Variants in PPP2R3A observed in about 807,000 individuals in gnomAD.
PPP2R3A encodes serine/threonine-protein phosphatase 2A regulatory subunit B'' subunit alpha.
Under a neutral mutation model 106.9 loss-of-function variants are expected in PPP2R3A, and 80 were observed. That is an observed-to-expected ratio of 0.75 (90% CI 0.62 to 0.90). The LOEUF (loss-of-function observed/expected upper bound fraction) is 0.90. Ranked by LOEUF, PPP2R3A falls within the 40% of genes least tolerant of loss-of-function variation. The probability of loss-of-function intolerance (pLI) is 0.00; values close to 1 mark genes in which losing one functional copy is unlikely to be tolerated. For missense variants in PPP2R3A, 1,386 were observed against 1,350.4 expected (o/e 1.03, Z -0.41); for synonymous variants, 483 against 468.3 (o/e 1.03, Z -0.41).
chr3:136,134,362 A>T (rs1165744688), intron 13 of PPP2R3A, among the ~76,000 whole-genome samples: 4 of 152,188 alleles, frequency 2.6e-5, no homozygotes, highest in African/African-American at 9.7e-5. Flanking sequence ...TATCTATTGT[A>T]AATAATCAGA....
chr3:136,070,632 A>G (rs904864006), intron 6 of PPP2R3A, 80 bp downstream of exon 6: 1 of 1,203,444 alleles, frequency 8.3e-7, no homozygotes, highest in African/African-American at 1.6e-5. Flanking sequence ...AATTTCAAGT[A>G]TCTATGCAAA....
intron 5 of PPP2R3A, 66 bp from the exon 6 acceptor site, chr3:136,070,412 G>T: frequency 1.5e-6 from 2 of 1,357,466 alleles, no homozygotes; most frequent in South Asian, 1.4e-5. Flanking sequence ...ATACAGGAAG[G>T]AAAAACTTCC....
At chr3:136,055,556 A>C (rs542787166) in intron 5 of PPP2R3A, 4 of 1,376,302 alleles carry the variant, frequency 2.9e-6, no homozygotes, top group South Asian at 1.2e-5. Flanking sequence ...ATGCTGCTCA[A>C]ATCTTCACAG....
At chr3:136,028,394 C>T (rs1934742243) in intron 3 of PPP2R3A, among the ~76,000 whole-genome samples, 1 of 152,190 alleles carries the variant, frequency 6.6e-6, no homozygotes, top group Non-Finnish European at 1.5e-5. Flanking sequence ...ACCCTAGATG[C>T]TTCTAATGAA....
chr3:136,108,699 G>GTTT (rs142889271), intron 13 of PPP2R3A, among the ~76,000 whole-genome samples: 12 of 148,850 alleles, frequency 8.1e-5, no homozygotes, highest in African/African-American at 2.9e-4. Flanking sequence ...TTATCATTGG[G>GTTT]TTTTTTTTTT....
chr3:136,015,600 A>C (rs1559870141), intron 2 of PPP2R3A, among the ~76,000 whole-genome samples: 4 of 152,002 alleles, frequency 2.6e-5, no homozygotes, highest in Admixed American at 1.3e-4. Context: ...GTTTGCGTGC[A>C]TGAAGGTGTT....
chr3:135,965,730 G>C lies in PPP2R3A; in HGVS notation c.-560G>C, dbSNP rs569957125. On this transcript the variant is annotated 5_prime_UTR_variant, in exon 1 of 14. Coordinates refer to ENST00000264977, the MANE Select transcript of PPP2R3A (RefSeq NM_002718.5). ...GCCTGCGGGTGGCTGGGCGGGGCGC[G>C]CTCGGGCCTCCGCTCTTCACGCGCC... The C allele has an allele frequency of 5.2e-5, 8 of 152,564 alleles. No individual in the cohort carries two copies. In the East Asian group the frequency reaches 5.9e-4, roughly 11 times the overall value. 9.5% of individuals were successfully genotyped at this position (152,564 alleles called of 1,614,324 possible). A position where few individuals can be genotyped will look rare whatever the true frequency, so the allele number is the denominator to read the frequency against.
chr3:136,040,571 G>A lies in PPP2R3A; in HGVS notation c.2263-288G>A, dbSNP rs59899876. 7.3e-3 allele frequency among the ~76,000 whole-genome samples: 1,105 copies of A among 152,262 alleles called. 11 individuals carry two copies. The highest frequency in any genetic ancestry group is 0.026 in the African/African-American group (1,083 of 41,554). On this transcript the variant is annotated intron_variant, in intron 3 of 13. Transcript: ENST00000264977. ...GAAGAAAGTGGTGGGAAGGGATGCTGTTTGCTTTAACTGTCAGGTTGGAGG... is the reference window on the plus strand; with the variant it reads ...GAAGAAAGTGGTGGGAAGGGATGCTATTTGCTTTAACTGTCAGGTTGGAGG...
rs1037272540 is a variant in PPP2R3A, at chr3:136,103,472, A to T, written c.3222+96A>T. ...GGTCTCTGCATGCTGGAATTTCGGT[A>T]AAGAGGTAACATTTGTAACATTTCA... On this transcript the variant is annotated intron_variant, in intron 12 of 13. Transcript: ENST00000264977. The T allele has an allele frequency of 5.9e-6, 5 of 841,088 alleles. No homozygotes were observed. The African/African-American group carries it at 8.7e-5, about 15-fold the overall frequency. 52.1% of individuals were successfully genotyped at this position (841,088 alleles called of 1,614,324 possible).
At position 136,131,502 on chromosome 3, in the gene PPP2R3A, G is replaced by A. The variant is rs182040320; in HGVS notation, c.3330-13541G>A. Among the ~76,000 whole-genome samples the A allele has an allele frequency of 2.2e-3, 342 of 152,280 alleles. 6 individuals carry two copies. Among genetic ancestry groups the A allele is most frequent in the Admixed American group, 0.015 (231 of 15,288 alleles). ...CAGTTAGAATGGCAATCATTAAAAC[G>A]TCAGGAAACAACAGATGCTGGAGAG... On this transcript the variant is annotated intron_variant, in intron 13 of 13. Coordinates refer to ENST00000264977, the MANE Select transcript of PPP2R3A (RefSeq NM_002718.5).
At chr3:136,140,458 A>C (rs1222550338) in intron 13 of PPP2R3A, among the ~76,000 whole-genome samples, 1 of 150,604 alleles carries the variant, frequency 6.6e-6, no homozygotes, top group Non-Finnish European at 1.5e-5. Flanking sequence ...AAAAAAAAAA[A>C]AAAAAACCCG....
At chr3:136,000,889 A>G (rs1410979570) in intron 1 of PPP2R3A, among the ~76,000 whole-genome samples, 170 bp from the exon 2 acceptor site, 1 of 152,210 alleles carries the variant, frequency 6.6e-6, no homozygotes. Context: ...TACTCTAGGC[A>G]ATAAGGAGTA....
At chr3:135,997,759 C>T (rs1933458847) in intron 1 of PPP2R3A, among the ~76,000 whole-genome samples, 2 of 152,228 alleles carry the variant, frequency 1.3e-5, no homozygotes, top group Non-Finnish European at 2.9e-5. Context: ...TCACTTTCCC[C>T]TCCTGCTGTT....
rs747811648 is a variant in PPP2R3A at position 136,138,695 on chromosome 3, A to ATTTTTTTTT, written c.3330-6321_3330-6313dup. Among the ~76,000 whole-genome samples, 140 of 50,644 alleles carry ATTTTTTTTT rather than the reference A, an allele frequency of 2.8e-3. 21 individuals are homozygous for ATTTTTTTTT. Among genetic ancestry groups the ATTTTTTTTT allele is most frequent in the South Asian group, 7.9e-3 (7 of 888 alleles). The allele number at this position is 50,644 out of a possible 152,430, so 33.2% of individuals were successfully genotyped here. On this transcript the variant is annotated intron_variant, in intron 13 of 13. Coordinates refer to ENST00000264977, the MANE Select transcript of PPP2R3A (RefSeq NM_002718.5). ...AGACTCCAAACTAGAGAAATATTGA[A>ATTTTTTTTT]TTTTTTTTTTTTTTTTTTTTTTTTT...
At chr3:136,067,543 G>A (rs1576476667) in intron 5 of PPP2R3A, among the ~76,000 whole-genome samples, 1 of 152,326 alleles carries the variant, frequency 6.6e-6, no homozygotes, top group South Asian at 2.1e-4. Flanking sequence ...GAACCAAGGT[G>A]ACTAGAATTC....
chr3:136,032,736 A>G lies in PPP2R3A; in HGVS notation c.2262+5638A>G, dbSNP rs996595220. Among the ~76,000 whole-genome samples, 8 of 152,118 alleles carry G rather than the reference A, an allele frequency of 5.3e-5. 1 individual carries two copies. The South Asian group carries it at 1.0e-3, about 20-fold the overall frequency. ...TTTTTAGTAGAGACGGGGTTTCACC[A>G]TGTTAGCCAGGATGGTCTCGATCTC... On this transcript the variant is annotated intron_variant, in intron 3 of 13. Coordinates refer to ENST00000264977, the MANE Select transcript of PPP2R3A (RefSeq NM_002718.5).
Position 136,072,148 on chromosome 3 carries a change from A to G in PPP2R3A, c.2544+1596A>G, listed in dbSNP as rs1480740793. Reference sequence around the variant, plus strand: ...TTGTTTGTCCATCTCCTGTCATCTGATATTTAATTTTTTGTTTGTCCATCT... The same window carrying G: ...TTGTTTGTCCATCTCCTGTCATCTGGTATTTAATTTTTTGTTTGTCCATCT... On this transcript the variant is annotated intron_variant, in intron 6 of 13. Transcript: ENST00000264977. Among the ~76,000 whole-genome samples, 5 of 152,140 alleles carry G rather than the reference A, an allele frequency of 3.3e-5. No homozygotes were observed. In the East Asian group the frequency reaches 7.7e-4, roughly 23 times the overall value.
intron 2 of PPP2R3A, among the ~76,000 whole-genome samples, chr3:136,010,354 G>A (rs570500470): frequency 5.7e-5 from 8 of 141,052 alleles, no homozygotes; most frequent in East Asian, 4.1e-4. Context: ...TGCCTCCCTC[G>A]ATTCTCCTGC....
chr3:136,095,473 G>C (rs760863094), intron 10 of PPP2R3A, among the ~76,000 whole-genome samples: 22 of 152,078 alleles, frequency 1.4e-4, no homozygotes, highest in Non-Finnish European at 2.6e-4. Flanking sequence ...CCATTTTTCA[G>C]TTGATGAAAC....
Sources: gnomAD v4.1 joint callset for allele counts (sites outside exome capture counted in the v4.1 genomes callset) on GRCh38, gnomAD v4.1.1 for gene constraint, MANE v1.5 for transcripts, NCBI Gene and HGNC (gene_info 2026-07-23, HGNC 2026-07-21) for gene names.